The following CNTLN variants were observed in gnomAD, a reference collection of about 807,000 sequenced individuals.
The protein encoded by CNTLN is centlein, centrosomal protein.
A neutral mutation model predicts 180.0 loss-of-function variants in CNTLN; 212 were observed. That is an observed-to-expected ratio of 1.18 (90% CI 1.05 to 1.32). The LOEUF is 1.32. Ranked by LOEUF, CNTLN falls within the 40% of genes most tolerant of loss-of-function variation. The pLI is 0.00. For missense variants in CNTLN, 2,095 were observed against 1,610.9 expected (o/e 1.30, Z -5.14); for synonymous variants, 722 against 563.1 (o/e 1.28, Z -3.99).
intron 5 of CNTLN, among the ~76,000 whole-genome samples, chr9:17,237,427 C>G (rs1825222721): frequency 1.4e-5 from 2 of 144,018 alleles, no homozygotes; most frequent in Admixed American, 1.4e-4. Flanking sequence ...CAGTTACAAG[C>G]AGTTGACCAT....
rs796811426 is a variant in CNTLN at position 17,155,302 on chromosome 9, TG to T, written c.449+11929del. Reference sequence around the variant, plus strand: ...CACAGTATCTCCTAGTCAGTATACATGGGAGTCAGGGACCCATTTGAGGAGG... The same window carrying T: ...CACAGTATCTCCTAGTCAGTATACATGGAGTCAGGGACCCATTTGAGGAGG... On this transcript the variant is annotated intron_variant, in intron 2 of 25. Coordinates refer to ENST00000380647, the MANE Select transcript of CNTLN (RefSeq NM_017738.4). Among the ~76,000 whole-genome samples, 50 of 152,294 alleles carry T rather than the reference TG, an allele frequency of 3.3e-4. 1 individual carries two copies. The highest frequency in any genetic ancestry group is 1.2e-3 in the African/African-American group (49 of 41,566).
chr9:17,135,686 T>A (rs949602981), intron 1 of CNTLN, among the ~76,000 whole-genome samples: 1 of 152,102 alleles, frequency 6.6e-6, no homozygotes, highest in African/African-American at 2.4e-5. Context: ...GTCACTTGGA[T>A]ACTCGCAGTC....
At chr9:17,176,287 TTTTTTTTTATCATGAA>T (rs1820713746) in intron 2 of CNTLN, among the ~76,000 whole-genome samples, 1 of 143,980 alleles carries the variant, frequency 6.9e-6, no homozygotes, top group African/African-American at 2.8e-5. Flanking sequence ...TGCTGATAAT[TTTTTTTTTATCATGAA>T]TGGGCATTTG....
At chr9:17,395,226 T>C (rs1022511072) in intron 15 of CNTLN, among the ~76,000 whole-genome samples, 157 bp downstream of exon 15, 2 of 152,200 alleles carry the variant, frequency 1.3e-5, no homozygotes, top group Non-Finnish European at 2.9e-5. Context: ...TCTGAGCTTA[T>C]TGACTGAAAT....
intron 6 of CNTLN, among the ~76,000 whole-genome samples, chr9:17,282,515 A>T (rs1828726341): frequency 6.6e-6 from 1 of 151,590 alleles, no homozygotes; most frequent in Admixed American, 6.6e-5. Context: ...GATTGCAAAA[A>T]TTTTCTCCCA....
chr9:17,500,816 C>T (rs185422552), intron 25 of CNTLN, among the ~76,000 whole-genome samples: 10 of 151,090 alleles, frequency 6.6e-5, no homozygotes, highest in Admixed American at 5.9e-4. Flanking sequence ...ATGAAAGTTG[C>T]CCTGTAGTCT....
intron 2 of CNTLN, among the ~76,000 whole-genome samples, chr9:17,178,896 C>T (rs892117152): frequency 1.5e-4 from 23 of 152,258 alleles, no homozygotes; most frequent in African/African-American, 5.1e-4. Context: ...GCCGAGGAGG[C>T]GCCGAGAGCG....
intron 1 of CNTLN, among the ~76,000 whole-genome samples, chr9:17,136,877 T>G (rs1042579811): frequency 6.6e-6 from 1 of 152,198 alleles, no homozygotes; most frequent in Non-Finnish European, 1.5e-5. Context: ...TTTTAAGATG[T>G]GAACCCATGA....
At chr9:17,242,358 G>GGA (rs1275073022) in intron 5 of CNTLN, among the ~76,000 whole-genome samples, 2 of 151,994 alleles carry the variant, frequency 1.3e-5, no homozygotes, top group Admixed American at 6.6e-5. Context: ...CACCCAGGCG[G>GGA]GAGTGCAGTG....
chr9:17,261,308 T>C (rs1197421738), intron 5 of CNTLN, among the ~76,000 whole-genome samples: 1 of 151,568 alleles, frequency 6.6e-6, no homozygotes, highest in Non-Finnish European at 1.5e-5. Flanking sequence ...TCCATGAGCA[T>C]GGCATATTTT....
intron 2 of CNTLN, among the ~76,000 whole-genome samples, chr9:17,193,917 A>G (rs889589640): frequency 7.2e-5 from 11 of 152,186 alleles, no homozygotes; most frequent in African/African-American, 2.7e-4. Flanking sequence ...CCAAACCCCA[A>G]TTCTTGACTT....
At chr9:17,490,080 G>GT (rs1357111390) in intron 25 of CNTLN, among the ~76,000 whole-genome samples, 1 of 152,130 alleles carries the variant, frequency 6.6e-6, no homozygotes, top group Non-Finnish European at 1.5e-5. Flanking sequence ...AGTTTAGGGA[G>GT]TGGGAGAAAA....
At chr9:17,240,792 G>A (rs1796593411) in intron 5 of CNTLN, among the ~76,000 whole-genome samples, 1 of 152,112 alleles carries the variant, frequency 6.6e-6, no homozygotes. Context: ...TCTTGTCCCT[G>A]TGGAGTATTA....
At chr9:17,360,593 A>G (rs1462842486) in intron 12 of CNTLN, among the ~76,000 whole-genome samples, 3 of 152,154 alleles carry the variant, frequency 2.0e-5, no homozygotes, top group African/African-American at 7.2e-5. Context: ...GTTCCTTGCT[A>G]AGACTGGATT....
intron 25 of CNTLN, among the ~76,000 whole-genome samples, chr9:17,492,152 C>T (rs1168187870): frequency 1.3e-5 from 2 of 151,910 alleles, no homozygotes; most frequent in Non-Finnish European, 2.9e-5. Context: ...TTCAATTTAA[C>T]AAAGTAAGCC....
intron 13 of CNTLN, among the ~76,000 whole-genome samples, chr9:17,385,232 AC>A (rs1386638948): frequency 2.0e-5 from 3 of 152,210 alleles, no homozygotes; most frequent in Non-Finnish European, 4.4e-5. Flanking sequence ...GTGTTCACCA[AC>A]TTGGAATTTC....
chr9:17,458,716 T>G (rs1831281996), intron 19 of CNTLN, among the ~76,000 whole-genome samples: 1 of 151,930 alleles, frequency 6.6e-6, no homozygotes, highest in Admixed American at 6.6e-5. Flanking sequence ...TTTGCTTTAT[T>G]AATAGTAACC....
At chr9:17,486,875 T>C (rs1832916418) in intron 24 of CNTLN, 114 bp from the exon 25 acceptor site, 1 of 599,272 alleles carries the variant, frequency 1.7e-6, no homozygotes, top group Admixed American at 3.5e-5. Context: ...TGACAGACTG[T>C]TCTTTGTTGA....
intron 2 of CNTLN, among the ~76,000 whole-genome samples, chr9:17,212,783 G>C (rs1823424474): frequency 6.6e-6 from 1 of 152,146 alleles, no homozygotes; most frequent in South Asian, 2.1e-4. Flanking sequence ...TTAGTCTTCG[G>C]AGGGTGTATG....
Sources: allele counts gnomAD v4.1 joint callset (sites outside exome capture counted in the v4.1 genomes callset), GRCh38; gene constraint gnomAD v4.1.1; transcripts MANE v1.5; gene names NCBI Gene and HGNC (gene_info 2026-07-23, HGNC 2026-07-21).